CDH4: variants seen among roughly 807,000 people sequenced by gnomAD.
CDH4 encodes the protein cadherin-4.
A neutral mutation model predicts 86.0 loss-of-function variants in CDH4; 33 were observed. The ratio of observed to expected loss-of-function variants is 0.38; its 90% CI spans 0.29 to 0.51. The LOEUF is 0.51. Among genes scored for constraint, CDH4 ranks in the 20% least tolerant of loss-of-function variants. The probability of loss-of-function intolerance (pLI) is 0.86; values close to 1 mark genes in which losing one functional copy is unlikely to be tolerated. For synonymous variants in CDH4, 555 were observed against 549.4 expected (o/e 1.01, Z -0.14); for missense variants, 1,114 against 1,307.4 (o/e 0.85, Z 2.28).
intron 8 of CDH4, among the ~76,000 whole-genome samples, chr20:61,904,472 G>A (rs1187798415): frequency 2.0e-5 from 3 of 152,018 alleles, no homozygotes; most frequent in Non-Finnish European, 4.4e-5. Flanking sequence ...GAGTCCTCAC[G>A]CCCACCAGCC....
intron 2 of CDH4, among the ~76,000 whole-genome samples, chr20:61,742,567 C>T (rs932219245): frequency 1.3e-5 from 2 of 151,992 alleles, no homozygotes; most frequent in African/African-American, 4.8e-5. Context: ...AAAACCAATC[C>T]TCCCACCATA....
intron 2 of CDH4, among the ~76,000 whole-genome samples, chr20:61,722,604 C>G (rs554115774): frequency 6.6e-6 from 1 of 152,056 alleles, no homozygotes; most frequent in African/African-American, 2.4e-5. Flanking sequence ...CCACTCTGTC[C>G]CAAGGACTCT....
intron 2 of CDH4, among the ~76,000 whole-genome samples, chr20:61,388,701 G>T (rs996598332): frequency 6.6e-6 from 1 of 152,206 alleles, no homozygotes; most frequent in African/African-American, 2.4e-5. Context: ...AGACAGCAGG[G>T]GGATGCTGGC....
At chr20:61,421,746 G>A (rs1257276308) in intron 2 of CDH4, among the ~76,000 whole-genome samples, 1 of 152,214 alleles carries the variant, frequency 6.6e-6, no homozygotes, top group Non-Finnish European at 1.5e-5. Flanking sequence ...GGATGTGAGG[G>A]GCAGGGCATG....
chr20:61,272,920 G>C (rs2123141509), intron 2 of CDH4, among the ~76,000 whole-genome samples: 1 of 132,162 alleles, frequency 7.6e-6, no homozygotes, highest in East Asian at 2.3e-4. Context: ...ACCGTGTGCA[G>C]TTTGGGGGAG....
intron 4 of CDH4, among the ~76,000 whole-genome samples, chr20:61,804,587 T>TGAGCATCCCTCAGAG (rs1282021065): frequency 6.6e-6 from 1 of 152,214 alleles, no homozygotes; most frequent in Non-Finnish European, 1.5e-5. Flanking sequence ...GGTTCCCCTC[T>TGAGCATCCCTCAGAG]GAGCATCCCT....
At chr20:61,550,050 C>G (rs967970274) in intron 2 of CDH4, among the ~76,000 whole-genome samples, 2 of 151,652 alleles carry the variant, frequency 1.3e-5, no homozygotes, top group Admixed American at 6.6e-5. Flanking sequence ...GCCTCCCTGC[C>G]CCAACCTCCC....
rs74633278 is a variant in CDH4 at position 61,622,167 on chromosome 20, C to T, written c.170-121396C>T. On this transcript the variant is annotated intron_variant, in intron 2 of 15. Coordinates refer to ENST00000614565, the MANE Select transcript of CDH4 (RefSeq NM_001794.5). ...GGAGAAGCTGGGTCTCGATGCTCCA[C>T]GTCTGTAACTGCGAAACGCAGACTG... is the stretch of plus-strand genomic sequence containing the variant. 4.3e-3 allele frequency among the ~76,000 whole-genome samples: 653 copies of T among 152,370 alleles called. 8 individuals are homozygous for T. Among genetic ancestry groups the T allele is most frequent in the African/African-American group, 0.015 (606 of 41,580 alleles).
chr20:61,660,542 G>T (rs1246095219), intron 2 of CDH4, among the ~76,000 whole-genome samples: 4 of 152,182 alleles, frequency 2.6e-5, no homozygotes, highest in Non-Finnish European at 5.9e-5. Context: ...TCTGTTACAT[G>T]TGGGTGCGCC....
At chr20:61,679,729 C>G (rs558530788) in intron 2 of CDH4, among the ~76,000 whole-genome samples, 11 of 152,224 alleles carry the variant, frequency 7.2e-5, no homozygotes, top group African/African-American at 2.7e-4. Flanking sequence ...GAGCCTGTGG[C>G]CCCTGTGTGT....
In CDH4 at chr20:61,666,596, A is replaced by G. The variant is rs555947665; in HGVS notation, c.170-76967A>G. 5.9e-5 allele frequency among the ~76,000 whole-genome samples: 9 copies of G among 152,318 alleles called. No homozygotes were observed. The East Asian group carries it at 1.5e-3, about 26-fold the overall frequency. ...AGGACGGAGCTGAGGCCTAGGGCTC[A>G]CAGAGGCCACATCCGCAGAACTGTT... On this transcript the variant is annotated intron_variant, in intron 2 of 15. Coordinates refer to ENST00000614565, the MANE Select transcript of CDH4 (RefSeq NM_001794.5).
At chr20:61,755,368 C>CCACACACA (rs35461836) in intron 3 of CDH4, among the ~76,000 whole-genome samples, 2 of 144,776 alleles carry the variant, frequency 1.4e-5, no homozygotes, top group African/African-American at 5.2e-5. Flanking sequence ...GCCACACACA[C>CCACACACA]CACACACACA....
chr20:61,789,178 C>T (rs1568816766), intron 4 of CDH4, among the ~76,000 whole-genome samples: 1 of 152,176 alleles, frequency 6.6e-6, no homozygotes, highest in Non-Finnish European at 1.5e-5. Flanking sequence ...TGGCTTTCTC[C>T]GTAGAGGCCC....
chr20:61,758,601 G>A (rs368091491), intron 3 of CDH4, among the ~76,000 whole-genome samples: 4 of 152,304 alleles, frequency 2.6e-5, no homozygotes, highest in South Asian at 2.1e-4. Context: ...TAAGGACCAC[G>A]AGGTCCGTGA....
chr20:61,322,983 A>G (rs1373126614), intron 2 of CDH4, among the ~76,000 whole-genome samples: 1 of 152,164 alleles, frequency 6.6e-6, no homozygotes, highest in Non-Finnish European at 1.5e-5. Flanking sequence ...AGAACATTCA[A>G]GGATCCTCCC....
intron 3 of CDH4, among the ~76,000 whole-genome samples, chr20:61,758,858 A>C (rs1481374141): frequency 6.6e-6 from 1 of 152,154 alleles, no homozygotes; most frequent in Non-Finnish European, 1.5e-5. Flanking sequence ...CCAGCGTCTC[A>C]GCTTCTAGCA....
chr20:61,387,275 CACAA>C (rs2084956706), intron 2 of CDH4, among the ~76,000 whole-genome samples: 1 of 151,848 alleles, frequency 6.6e-6, no homozygotes, highest in Non-Finnish European at 1.5e-5. Flanking sequence ...GCCACACAAA[CACAA>C]ACACACAGCC....
At chr20:61,479,055 C>CTT (rs1237760845) in intron 2 of CDH4, among the ~76,000 whole-genome samples, 1 of 151,058 alleles carries the variant, frequency 6.6e-6, no homozygotes, top group Admixed American at 6.6e-5. Context: ...GCCACGTGGT[C>CTT]TTCTGGCTTG....
At chr20:61,716,314 C>T (rs2087952560) in intron 2 of CDH4, among the ~76,000 whole-genome samples, 2 of 152,172 alleles carry the variant, frequency 1.3e-5, no homozygotes, top group Non-Finnish European at 1.5e-5. Context: ...CACTCCTCAC[C>T]CATGAGCTGC....
Sources: allele counts gnomAD v4.1 joint callset (sites outside exome capture counted in the v4.1 genomes callset), GRCh38; gene constraint gnomAD v4.1.1; transcripts MANE v1.5; gene names NCBI Gene and HGNC (gene_info 2026-07-23, HGNC 2026-07-21).